The following GPRC6A variants were observed in gnomAD, a reference collection of about 807,000 sequenced individuals.
GPRC6A encodes G protein-coupled receptor class C group 6 member A, also known as G protein-coupled receptor family C group 6 member A.
A neutral mutation model predicts 47.0 loss-of-function variants in GPRC6A; 54 were observed. That is an observed-to-expected ratio of 1.15 (90% CI 0.92 to 1.44). The LOEUF is 1.44. Among genes scored for constraint, GPRC6A ranks in the 40% most tolerant of loss-of-function variants. GPRC6A has a pLI of 0.00. For missense variants in GPRC6A, 1,112 were observed against 1,105.5 expected, an observed-to-expected ratio of 1.01 and a Z score of -0.08; for synonymous variants, 347 against 377.1, an observed-to-expected ratio of 0.92 and a Z score of 0.93.
chr6:116,793,123 G>C lies in GPRC6A; in HGVS notation c.1800C>G (p.Leu600=). 6.2e-7 allele frequency: 1 copy of C among 1,613,974 alleles called. No homozygotes were observed. The highest frequency in any genetic ancestry group is 1.1e-5 in the South Asian group (1 of 91,082). ...GAACAAATATGATTCCCAGTAGGGA[G>C]AGAATCAGGAGTAGGATGGCCAAGG... ...NDSLAILLLI[L]SLLGIIFVLV... Residue 600 remains leucine, a synonymous_variant, in exon 6 of 6, where the codon CTC becomes CTG. Transcript: ENST00000310357.
At chr6:116,810,839 A>G (rs1049947957) in intron 1 of GPRC6A, among the ~76,000 whole-genome samples, 4 of 152,138 alleles carry the variant, frequency 2.6e-5, no homozygotes, top group African/African-American at 9.7e-5. Flanking sequence ...CACAACCAAC[A>G]TTAGCCAGCA....
chr6:116,808,823 G>C (rs1225912348), intron 2 of GPRC6A, among the ~76,000 whole-genome samples: 1 of 151,510 alleles, frequency 6.6e-6, no homozygotes, highest in South Asian at 2.1e-4. Flanking sequence ...ACAGTGCTGT[G>C]ATATCTGATT....
At chr6:116,809,641 G>A in intron 1 of GPRC6A, 24 bp from the exon 2 acceptor site, 2 of 1,562,794 alleles carry the variant, frequency 1.3e-6, no homozygotes, top group Non-Finnish European at 1.7e-6. Context: ...AGTATTTTTT[G>A]AAATCAGAAC....
intron 4 of GPRC6A, among the ~76,000 whole-genome samples, chr6:116,797,571 TG>T (rs1161003068): frequency 6.6e-6 from 1 of 152,186 alleles, no homozygotes; most frequent in Non-Finnish European, 1.5e-5. Flanking sequence ...AAGGAAGACT[TG>T]TCTCTCTGTT....
intron 4 of GPRC6A, among the ~76,000 whole-genome samples, chr6:116,800,055 G>T (rs1772610309): frequency 6.6e-6 from 1 of 152,132 alleles, no homozygotes; most frequent in African/African-American, 2.4e-5. Flanking sequence ...AGAAGAGAAG[G>T]CATAAAATAG....
At chr6:116,804,775 C>T (rs1262521057) in intron 3 of GPRC6A, among the ~76,000 whole-genome samples, 1 of 151,940 alleles carries the variant, frequency 6.6e-6, no homozygotes, top group Non-Finnish European at 1.5e-5. Flanking sequence ...CTATTTTTCC[C>T]CAGATCTTCA....
intron 1 of GPRC6A, among the ~76,000 whole-genome samples, chr6:116,813,066 T>A (rs929579853): frequency 6.6e-6 from 1 of 152,106 alleles, no homozygotes; most frequent in African/African-American, 2.4e-5. Flanking sequence ...GTGAAGGACC[T>A]CTTCAAGGAG....
chr6:116,822,613 A>G (rs1459879534), intron 1 of GPRC6A, among the ~76,000 whole-genome samples: 2 of 143,126 alleles, frequency 1.4e-5, no homozygotes, highest in East Asian at 4.1e-4. Context: ...TCGCAAGAAC[A>G]AAAAACCAAA....
At chr6:116,817,593 A>C (rs894722708) in intron 1 of GPRC6A, among the ~76,000 whole-genome samples, 2 of 152,244 alleles carry the variant, frequency 1.3e-5, no homozygotes, top group Non-Finnish European at 2.9e-5. Flanking sequence ...GAGCTATGGG[A>C]GGACATTCAA....
At chr6:116,797,209 G>A (rs1772517971) in intron 4 of GPRC6A, among the ~76,000 whole-genome samples, 1 of 152,054 alleles carries the variant, frequency 6.6e-6, no homozygotes, top group East Asian at 1.9e-4. Context: ...CAAAGGACAT[G>A]AACTCATCAT....
intron 4 of GPRC6A, among the ~76,000 whole-genome samples, chr6:116,799,463 C>T (rs1353192356): frequency 6.6e-6 from 1 of 152,038 alleles, no homozygotes; most frequent in Non-Finnish European, 1.5e-5. Flanking sequence ...AATGTAGTGT[C>T]ATGGAAGCAA....
chr6:116,828,481 G>A (rs116607978), intron 1 of GPRC6A, among the ~76,000 whole-genome samples: 2,074 of 152,232 alleles, frequency 0.014, 57 homozygotes, highest in African/African-American at 0.047. Flanking sequence ...ATACATGTGT[G>A]TGATAGAAAT....
At chr6:116,811,556 A>T (rs1183488812) in intron 1 of GPRC6A, among the ~76,000 whole-genome samples, 1 of 152,148 alleles carries the variant, frequency 6.6e-6, no homozygotes, top group African/African-American at 2.4e-5. Flanking sequence ...TCCAAATTAG[A>T]TTCTAAAGAA....
intron 1 of GPRC6A, among the ~76,000 whole-genome samples, chr6:116,811,527 T>A (rs997177670): frequency 5.9e-5 from 9 of 151,914 alleles, no homozygotes; most frequent in African/African-American, 2.2e-4. Flanking sequence ...AAGCAATTAA[T>A]GAAATTCCAG....
chr6:116,798,968 T>C (rs1772576259), intron 4 of GPRC6A, among the ~76,000 whole-genome samples: 1 of 151,820 alleles, frequency 6.6e-6, no homozygotes, highest in African/African-American at 2.4e-5. Context: ...GAGAAGTGAT[T>C]GTAACAGCAG....
chr6:116,796,541 G>A (rs776934981), intron 4 of GPRC6A, among the ~76,000 whole-genome samples: 57 of 152,128 alleles, frequency 3.7e-4, no homozygotes, highest in Non-Finnish European at 7.5e-4. Flanking sequence ...TCTTGTGAGA[G>A]AAATCTGCTT....
At chr6:116,821,427 G>T (rs1300153854) in intron 1 of GPRC6A, among the ~76,000 whole-genome samples, 4 of 152,168 alleles carry the variant, frequency 2.6e-5, no homozygotes, top group African/African-American at 7.2e-5. Context: ...AAAGAACAAA[G>T]CTGGAGGCAT....
Position 116,792,930 on chromosome 6 carries a change from T to C in GPRC6A, c.1993A>G (p.Met665Val). 7 of 1,614,112 alleles carry C rather than the reference T, an allele frequency of 4.3e-6. No homozygotes were observed. Among genetic ancestry groups the C allele is most frequent in the South Asian group, 1.1e-5 (1 of 91,086 alleles). Reference protein sequence around the residue: ...QDFTCKTRQTMFGVSFTLCIS... With the variant: ...QDFTCKTRQTVFGVSFTLCIS... ...CAAAGAGTAAAGCTCACTCCAAACA[T>C]TGTCTGCCTGGTTTTACATGTGAAG... The change falls in exon 6 of 6, where the codon ATG (methionine) becomes GTG (valine). Residue 665 changes from methionine (M) to valine (V), a missense_variant. By Grantham distance (21) the Met-to-Val change is conservative (BLOSUM62 1). Coordinates refer to ENST00000310357, the MANE Select transcript of GPRC6A (RefSeq NM_148963.4).
chr6:116,800,502 G>T, intron 4 of GPRC6A, 82 bp downstream of exon 4: 1 of 846,092 alleles, frequency 1.2e-6, no homozygotes, highest in Non-Finnish European at 2.1e-6. Flanking sequence ...AGATGAGTAT[G>T]ATGAAGAGTG....
Sources: gnomAD v4.1 joint callset for allele counts (sites outside exome capture counted in the v4.1 genomes callset) on GRCh38, gnomAD v4.1.1 for gene constraint, MANE v1.5 for transcripts, NCBI Gene and HGNC (gene_info 2026-07-23, HGNC 2026-07-21) for gene names.